CHST11: variants seen among roughly 807,000 people sequenced by gnomAD.
CHST11 encodes the protein C4S-1.
A neutral mutation model predicts 30.4 loss-of-function variants in CHST11; 9 were observed. The observed-to-expected ratio is 0.30, with a 90% CI of 0.18 to 0.52. The LOEUF is 0.52. CHST11 is among the 20% of genes least tolerant of loss of function. The probability of loss-of-function intolerance (pLI) is 0.97; values close to 1 mark genes in which losing one functional copy is unlikely to be tolerated. For missense variants in CHST11, 348 were observed against 460.6 expected, an observed-to-expected ratio of 0.76 and a Z score of 2.24; for synonymous variants, 152 against 187.8, an observed-to-expected ratio of 0.81 and a Z score of 1.56.
intron 2 of CHST11, among the ~76,000 whole-genome samples, chr12:104,695,446 A>AGTGTGT (rs67943103): frequency 2.0e-4 from 30 of 149,456 alleles, no homozygotes; most frequent in East Asian, 7.9e-4. Context: ...CAACACAATG[A>AGTGTGT]GTGTGTGTGT....
intron 1 of CHST11, among the ~76,000 whole-genome samples, chr12:104,563,364 G>A (rs2038532615): frequency 6.6e-6 from 1 of 152,124 alleles, no homozygotes; most frequent in African/African-American, 2.4e-5. Flanking sequence ...TGTCTGCTGT[G>A]CTTAGACCGT....
At chr12:104,513,138 T>TGGGGGGG (rs1565969843) in intron 1 of CHST11, among the ~76,000 whole-genome samples, 3 of 3,338 alleles carry the variant, frequency 9.0e-4, no homozygotes, top group African/African-American at 1.4e-3. Context: ...GGGGGGGGGG[T>TGGGGGGG]TGGGGGTGGG....
chr12:104,676,066 C>T lies in CHST11; in HGVS notation c.204+74075C>T, dbSNP rs703675. ...GCATAGGAAAGACCTGTTCAATGAT[C>T]ATCTTTTTATATTGTTTTGATTTTT... On this transcript the variant is annotated intron_variant, in intron 2 of 2. Coordinates refer to ENST00000303694, the MANE Select transcript of CHST11 (RefSeq NM_018413.6). The surrounding 1 kb of genome is among the most constrained non-coding windows in gnomAD (Gnocchi z 4.4). 0.23 allele frequency among the ~76,000 whole-genome samples: 35,074 copies of T among 152,126 alleles called. 5,470 individuals carry two copies. The highest frequency in any genetic ancestry group is 0.45 in the African/African-American group (18,478 of 41,476).
At position 104,494,693 on chromosome 12, in the gene CHST11, G is replaced by A. The variant is rs150105967; in HGVS notation, c.118+37164G>A. On this transcript the variant is annotated intron_variant, in intron 1 of 2. Coordinates refer to ENST00000303694, the MANE Select transcript of CHST11 (RefSeq NM_018413.6). ...ATTCAGAATAATAACTGTGGGGTGG[G>A]GTGCGGGCTCACTGATTGACTCGGA... 3.3e-3 allele frequency among the ~76,000 whole-genome samples: 499 copies of A among 152,192 alleles called. 1 individual carries two copies. Among genetic ancestry groups the A allele is most frequent in the Middle Eastern group, 0.01 (3 of 294 alleles).
chr12:104,597,499 A>C (rs1348200709), intron 1 of CHST11, among the ~76,000 whole-genome samples: 1 of 152,176 alleles, frequency 6.6e-6, no homozygotes, highest in East Asian at 1.9e-4. Context: ...ACCATAGCCT[A>C]ATGCTACTGG....
intron 2 of CHST11, among the ~76,000 whole-genome samples, chr12:104,741,577 G>A (rs1465329345): frequency 1.3e-5 from 2 of 152,134 alleles, no homozygotes; most frequent in East Asian, 1.9e-4. Context: ...AGCTAATCTT[G>A]ATATTGCCAG....
chr12:104,488,361 G>A (rs532915306), intron 1 of CHST11, among the ~76,000 whole-genome samples: 22 of 152,036 alleles, frequency 1.4e-4, no homozygotes, highest in Admixed American at 5.2e-4. Context: ...ATGTGTGTGC[G>A]TATGTGTATG....
chr12:104,501,136 A>G (rs2037849880), intron 1 of CHST11, among the ~76,000 whole-genome samples: 1 of 152,196 alleles, frequency 6.6e-6, no homozygotes, highest in Non-Finnish European at 1.5e-5. Context: ...GGAGCTTTTC[A>G]GAGCATTCTA....
intron 1 of CHST11, among the ~76,000 whole-genome samples, chr12:104,467,787 C>T (rs966630761): frequency 2.6e-5 from 4 of 152,136 alleles, no homozygotes; most frequent in African/African-American, 9.7e-5. Flanking sequence ...ACCACAGAGG[C>T]CCCTCTAAGG....
At chr12:104,552,479 A>G (rs1011529979) in intron 1 of CHST11, 1 of 151,394 alleles carries the variant, frequency 6.6e-6, no homozygotes, top group Admixed American at 6.6e-5. Flanking sequence ...CTAATTTTTC[A>G]TTTTTTTGTA....
chr12:104,576,405 G>A (rs111893239), intron 1 of CHST11, among the ~76,000 whole-genome samples: 1,806 of 152,292 alleles, frequency 0.012, 20 homozygotes, highest in Non-Finnish European at 0.019. Context: ...GATGCAAAAT[G>A]TGTGGTGGAG....
chr12:104,530,222 A>C (rs1232597275), intron 1 of CHST11, among the ~76,000 whole-genome samples: 1 of 152,148 alleles, frequency 6.6e-6, no homozygotes, highest in African/African-American at 2.4e-5. Context: ...GTATCTATCC[A>C]AGAGTTAAAT....
At chr12:104,723,835 C>T (rs1261210772) in intron 2 of CHST11, among the ~76,000 whole-genome samples, 6 of 152,176 alleles carry the variant, frequency 3.9e-5, no homozygotes, top group Admixed American at 6.5e-5. Context: ...CTATATAAAA[C>T]GAATTCTGTT....
chr12:104,604,476 T>G (rs1327805007), intron 2 of CHST11, among the ~76,000 whole-genome samples: 2 of 152,212 alleles, frequency 1.3e-5, no homozygotes, highest in Non-Finnish European at 2.9e-5. Context: ...GTTCAGTAAG[T>G]GGCACTTTTC....
chr12:104,526,664 T>C (rs1246167131), intron 1 of CHST11, among the ~76,000 whole-genome samples: 4 of 152,188 alleles, frequency 2.6e-5, no homozygotes, highest in African/African-American at 9.7e-5. Flanking sequence ...GGCCCTGGAC[T>C]CGTGTTCTCA....
At chr12:104,631,837 C>T (rs1025052031) in intron 2 of CHST11, among the ~76,000 whole-genome samples, 7 of 152,196 alleles carry the variant, frequency 4.6e-5, no homozygotes, top group Non-Finnish European at 7.3e-5. Context: ...GTCGGAGCCA[C>T]GGCACAGGTT....
intron 1 of CHST11, among the ~76,000 whole-genome samples, chr12:104,519,818 T>G (rs1346228190): frequency 1.3e-5 from 2 of 152,218 alleles, no homozygotes; most frequent in East Asian, 3.8e-4. Flanking sequence ...CAAGATGGGA[T>G]GATTTCCTGT....
intron 2 of CHST11, among the ~76,000 whole-genome samples, chr12:104,651,200 G>T (rs2039486582): frequency 6.6e-6 from 1 of 152,062 alleles, no homozygotes; most frequent in Non-Finnish European, 1.5e-5. Context: ...TGTGTTCATT[G>T]CTTATTTGCA....
At chr12:104,541,118 T>C (rs1401000767) in intron 1 of CHST11, among the ~76,000 whole-genome samples, 6 of 44,276 alleles carry the variant, frequency 1.4e-4, no homozygotes, top group Non-Finnish European at 2.8e-4. Flanking sequence ...TCTCTCCCTC[T>C]CTCTCTCTCT....
Sources: allele counts gnomAD v4.1 joint callset (sites outside exome capture counted in the v4.1 genomes callset), GRCh38; gene constraint gnomAD v4.1.1; non-coding constraint Gnocchi (gnomAD v3.1); transcripts MANE v1.5; gene names NCBI Gene and HGNC (gene_info 2026-07-23, HGNC 2026-07-21).